CDKL4: variants seen among roughly 807,000 people sequenced by gnomAD.
CDKL4 encodes cyclin-dependent kinase-like 4.
A neutral mutation model predicts 42.0 loss-of-function variants in CDKL4; 44 were observed. The observed-to-expected ratio is 1.05, with a 90% confidence interval of 0.82 to 1.35. The LOEUF is 1.35. Among genes scored for constraint, CDKL4 ranks in the 40% most tolerant of loss-of-function variants. CDKL4 has a pLI of 0.00. For missense variants in CDKL4, 393 were observed against 369.9 expected, an observed-to-expected ratio of 1.06 and a Z score of -0.51; for synonymous variants, 120 against 121.6, an observed-to-expected ratio of 0.99 and a Z score of 0.09.
chr2:39,201,296 C>A (rs369699917), intron 5 of CDKL4, among the ~76,000 whole-genome samples: 8 of 68,546 alleles, frequency 1.2e-4, no homozygotes, highest in Non-Finnish European at 1.2e-4. Flanking sequence ...TGGCTATAAC[C>A]AAAAAAATAA....
upstream of CDKL4, among the ~76,000 whole-genome samples, chr2:39,246,167 T>G (rs182696551): frequency 3.6e-4 from 55 of 152,312 alleles, no homozygotes; most frequent in Middle Eastern, 0.014. Context: ...CTCTTCTCCT[T>G]TTCTCATCCA....
At chr2:39,201,821 T>C (rs1676869804) in intron 5 of CDKL4, among the ~76,000 whole-genome samples, 1 of 152,114 alleles carries the variant, frequency 6.6e-6, no homozygotes, top group African/African-American at 2.4e-5. Flanking sequence ...CAATGGACTT[T>C]GGGGACTCAG....
intron 6 of CDKL4, among the ~76,000 whole-genome samples, chr2:39,188,630 T>C (rs1675982969): frequency 6.7e-6 from 1 of 150,290 alleles, no homozygotes; most frequent in Non-Finnish European, 1.5e-5. Context: ...TTACACACAT[T>C]ATCTCATTTA....
In CDKL4 at chr2:39,225,966, A is replaced by C. The variant is rs771918384; in HGVS notation, c.169-6T>G. The C allele has an allele frequency of 6.2e-7, 1 of 1,606,942 alleles. No individual in the cohort carries two copies. Among genetic ancestry groups the C allele is most frequent in the Non-Finnish European group, 8.5e-7 (1 of 1,177,564 alleles). On this transcript the variant is annotated splice_region_variant and splice_polypyrimidine_tract_variant and intron_variant, in intron 2 of 9. Transcript: ENST00000451199. The stretch of plus-strand genomic sequence containing the variant: ...AGATTTGGATGTTTTAATTGCTGTG[A>C]AAGAATTGAAATGCAAAGTTAAGTG...
chr2:39,187,692 G>A (rs954715312), exon 7 of CDKL4: 3 of 1,611,116 alleles, frequency 1.9e-6, no homozygotes, highest in Middle Eastern at 1.7e-4. Flanking sequence ...ATTGATTGAT[G>A]TCTTGGGATT....
chr2:39,192,684 A>C (rs1237570639), intron 5 of CDKL4, among the ~76,000 whole-genome samples: 1 of 151,980 alleles, frequency 6.6e-6, no homozygotes, highest in East Asian at 1.9e-4. Flanking sequence ...AACTCTTCCT[A>C]AACTTGAGTT....
At position 39,209,317 on chromosome 2, in the gene CDKL4, GA is replaced by G. The variant is rs11372337; in HGVS notation, c.363+4082del. ...ACAGAGCAAGATCCTGTCTCAGGAA[GA>G]AAAAAAAAAAAAAAGTCATTTTTGC... On this transcript the variant is annotated intron_variant, in intron 4 of 9. Coordinates refer to ENST00000451199, the Ensembl canonical transcript of CDKL4. Among the ~76,000 whole-genome samples, 107 of 137,272 alleles carry G rather than the reference GA, an allele frequency of 7.8e-4. No individual in the cohort carries two copies. The South Asian group carries it at 0.018, about 23-fold the overall frequency. The allele number at this position is 137,272 out of a possible 152,430, so 90.1% of individuals were successfully genotyped here. A position where few individuals can be genotyped will look rare whatever the true frequency, so the allele number is the denominator to read the frequency against.
intron 5 of CDKL4, 140 bp downstream of exon 5, chr2:39,204,387 A>G: frequency 1.5e-6 from 1 of 646,744 alleles, no homozygotes. Flanking sequence ...TGTACTGACT[A>G]AAAGGCTAAA....
At chr2:39,244,734 G>A (rs1187076400), upstream of CDKL4, among the ~76,000 whole-genome samples, 1 of 152,270 alleles carries the variant, frequency 6.6e-6, no homozygotes, top group Admixed American at 6.5e-5. Flanking sequence ...AGCCAGCTGG[G>A]CTCCTGAGTC....
At chr2:39,229,578 C>T (rs368698976) in exon 2 of CDKL4, 1 of 1,438,528 alleles carries the variant, frequency 7.0e-7, no homozygotes, top group African/African-American at 1.4e-5. Flanking sequence ...ACTTGCAGTA[C>T]AATGCTGCAC....
intron 6 of CDKL4, among the ~76,000 whole-genome samples, chr2:39,188,692 GT>G (rs970027859): frequency 9.4e-5 from 14 of 149,124 alleles, no homozygotes; most frequent in African/African-American, 3.5e-4. Context: ...CACAACAATA[GT>G]TGTTATTATT....
chr2:39,205,773 A>AG (rs1677134121), intron 4 of CDKL4, among the ~76,000 whole-genome samples: 1 of 150,694 alleles, frequency 6.6e-6, no homozygotes. Flanking sequence ...AAAAAAAAAA[A>AG]AAAAAAAGAA....
rs544559333 is a variant in CDKL4 at position 39,199,221 on chromosome 2, A to G, written c.454+5306T>C. 2.0e-5 allele frequency among the ~76,000 whole-genome samples: 3 copies of G among 152,158 alleles called. No homozygotes were observed. The South Asian group carries it at 6.2e-4, about 31-fold the overall frequency. ...GGCTCCTATGAATACCTTTACGTGCATAAACTAGAAAACCTAGAGGAGGAT... is the reference window on the plus strand; with the variant it reads ...GGCTCCTATGAATACCTTTACGTGCGTAAACTAGAAAACCTAGAGGAGGAT... On this transcript the variant is annotated intron_variant, in intron 5 of 9. Coordinates refer to ENST00000451199, the Ensembl canonical transcript of CDKL4.
chr2:39,226,485 T>C (rs926208525), intron 2 of CDKL4, among the ~76,000 whole-genome samples: 1 of 144,380 alleles, frequency 6.9e-6, no homozygotes, highest in African/African-American at 2.5e-5. Context: ...ATAATATATA[T>C]TATATATTTT....
At chr2:39,217,884 C>T (rs902724493) in intron 3 of CDKL4, among the ~76,000 whole-genome samples, 1 of 152,078 alleles carries the variant, frequency 6.6e-6, no homozygotes, top group African/African-American at 2.4e-5. Context: ...CAGGCATGTG[C>T]CATCACACTC....
intron 1 of CDKL4, among the ~76,000 whole-genome samples, chr2:39,241,978 A>G (rs978702391): frequency 6.6e-6 from 1 of 152,190 alleles, no homozygotes; most frequent in African/African-American, 2.4e-5. Context: ...TCAAGATTAA[A>G]TGGTGATATA....
At chr2:39,179,055 A>AT in intron 9 of CDKL4, 132 bp downstream of exon 9, 1 of 1,502,710 alleles carries the variant, frequency 6.7e-7, no homozygotes, top group Non-Finnish European at 8.8e-7. Flanking sequence ...ATATTTATTA[A>AT]GCTAGACAAA....
chr2:39,184,715 C>CGTAT (rs1334320213), intron 7 of CDKL4, 68 bp from the exon 8 acceptor site: 6 of 992,206 alleles, frequency 6.0e-6, no homozygotes, highest in East Asian at 2.5e-5. Context: ...TATATATGTG[C>CGTAT]GTATGTATGT....
At chr2:39,178,706 C>G (rs963381737) in intron 9 of CDKL4, 2 of 1,609,400 alleles carry the variant, frequency 1.2e-6, no homozygotes, top group Admixed American at 1.7e-5. Flanking sequence ...TCCTTTGTAC[C>G]TGGCAGATCT....
Sources: allele counts gnomAD v4.1 joint callset (sites outside exome capture counted in the v4.1 genomes callset), GRCh38; gene constraint gnomAD v4.1.1; transcripts MANE v1.5; gene names NCBI Gene and HGNC (gene_info 2026-07-23, HGNC 2026-07-21).